Variants in SGK1 observed in about 807,000 individuals in gnomAD.
SGK1 encodes serine/threonine-protein kinase Sgk1.
Under a neutral mutation model 64.2 loss-of-function variants are expected in SGK1, and 26 were observed. The observed-to-expected ratio is 0.40, with a 90% confidence interval of 0.30 to 0.56. The LOEUF (loss-of-function observed/expected upper bound fraction) is 0.56, where lower values mean the gene tolerates loss of function less well. Ranked by LOEUF, SGK1 falls within the 20% of genes least tolerant of loss-of-function variation. The pLI is 0.38. For missense variants in SGK1, 519 were observed against 645.6 expected (o/e 0.80, Z 2.12); for synonymous variants, 265 against 239.7 (o/e 1.11, Z -0.98).
chr6:134,298,235 C>A, intron 1 of SGK1: 1 of 1,575,044 alleles, frequency 6.3e-7, no homozygotes, highest in Non-Finnish European at 8.7e-7. Context: ...TTCTCCTGGC[C>A]CCGAGTCTCC....
In SGK1 at chr6:134,238,023, G is replaced by A. The variant is rs140641596; in HGVS notation, c.285+23910C>T. 1.2e-4 allele frequency among the ~76,000 whole-genome samples: 18 copies of A among 152,266 alleles called. No homozygotes were observed. In the East Asian group the frequency reaches 3.3e-3, roughly 28 times the overall value. On this transcript the variant is annotated intron_variant, in intron 2 of 13. Transcript: ENST00000367858. ...ATATTATGATTCCCTCAGTTTGTAT[G>A]ACTTAATAATTCTTTTTTTAGAGTA...
intron 1 of SGK1, among the ~76,000 whole-genome samples, chr6:134,271,075 G>GTCTTTCCTCGATAT (rs1554226349): frequency 6.9e-6 from 1 of 145,226 alleles, no homozygotes; most frequent in Non-Finnish European, 1.5e-5. Context: ...CCAGTGCTTT[G>GTCTTTCCTCGATAT]GGAGGCCGAG....
At chr6:134,282,887 T>G (rs1183215471) in intron 1 of SGK1, among the ~76,000 whole-genome samples, 1 of 151,798 alleles carries the variant, frequency 6.6e-6, no homozygotes, top group Non-Finnish European at 1.5e-5. Context: ...CTAATGATTC[T>G]ATTTCTCTGG....
intron 13 of SGK1, 79 bp from the exon 14 acceptor site, chr6:134,170,514 A>G: frequency 7.3e-7 from 1 of 1,372,546 alleles, no homozygotes; most frequent in Non-Finnish European, 1.0e-6. Context: ...CAGGCTTTAA[A>G]TACCAAGTTT....
At chr6:134,244,147 G>T (rs1158102469) in intron 2 of SGK1, among the ~76,000 whole-genome samples, 2 of 150,920 alleles carry the variant, frequency 1.3e-5, no homozygotes, top group Non-Finnish European at 2.9e-5. Context: ...GACAGGCCCT[G>T]GTGTGTGATG....
intron 1 of SGK1, among the ~76,000 whole-genome samples, chr6:134,305,904 T>C (rs1332584918): frequency 1.3e-5 from 2 of 152,148 alleles, no homozygotes; most frequent in Admixed American, 1.3e-4. Flanking sequence ...CTCTTTCTCC[T>C]CCATAGACCT....
At chr6:134,178,914 C>T (rs1470401567) in intron 3 of SGK1, among the ~76,000 whole-genome samples, 3 of 152,140 alleles carry the variant, frequency 2.0e-5, no homozygotes, top group African/African-American at 7.2e-5. Context: ...GAAAAGTTTG[C>T]ACTGAAACTA....
chr6:134,290,205 T>G (rs1469230151), intron 1 of SGK1, among the ~76,000 whole-genome samples: 1 of 147,578 alleles, frequency 6.8e-6, no homozygotes, highest in Non-Finnish European at 1.5e-5. Context: ...ACATCTGTAG[T>G]CCTAGCTACT....
chr6:134,300,647 TTTGGAGA>T (rs1777438726), intron 1 of SGK1, among the ~76,000 whole-genome samples: 1 of 148,700 alleles, frequency 6.7e-6, no homozygotes, highest in Non-Finnish European at 1.5e-5. Context: ...TTTTTTTTTT[TTTGGAGA>T]TGGAGTCTCG....
chr6:134,203,268 C>A (rs1775714020), intron 3 of SGK1, among the ~76,000 whole-genome samples: 1 of 152,010 alleles, frequency 6.6e-6, no homozygotes, highest in African/African-American at 2.4e-5. Context: ...AAAATAAAGT[C>A]ATTTATTGTA....
chr6:134,220,000 A>T (rs1776058690), intron 2 of SGK1, among the ~76,000 whole-genome samples: 3 of 129,932 alleles, frequency 2.3e-5, no homozygotes, highest in Admixed American at 1.6e-4. Flanking sequence ...CGGAGCTTGC[A>T]GTGAGCCGAG....
chr6:134,260,377 C>CCCCCA (rs1776748212), intron 2 of SGK1: 1 of 139,150 alleles, frequency 7.2e-6, no homozygotes, highest in Non-Finnish European at 1.6e-5. Flanking sequence ...GACCCCCACC[C>CCCCCA]CCCCCAAAAA....
chr6:134,215,710 G>A (rs374512253), intron 2 of SGK1, among the ~76,000 whole-genome samples: 2 of 151,718 alleles, frequency 1.3e-5, no homozygotes, highest in East Asian at 3.9e-4. Context: ...GCAAAACCCC[G>A]TCTCTACTAA....
chr6:134,289,264 T>A (rs1430663841), intron 1 of SGK1, among the ~76,000 whole-genome samples: 3 of 152,240 alleles, frequency 2.0e-5, no homozygotes, highest in Non-Finnish European at 4.4e-5. Flanking sequence ...GGTAGTGTAC[T>A]AAAATTGCAA....
At chr6:134,307,406 G>A (rs546069880) in intron 1 of SGK1, among the ~76,000 whole-genome samples, 4 of 152,250 alleles carry the variant, frequency 2.6e-5, no homozygotes, top group South Asian at 2.1e-4. Flanking sequence ...ATTGACGTTC[G>A]TTGTAGAAAT....
At chr6:134,232,283 G>T (rs1249644952) in intron 2 of SGK1, among the ~76,000 whole-genome samples, 1 of 151,494 alleles carries the variant, frequency 6.6e-6, no homozygotes, top group Non-Finnish European at 1.5e-5. Flanking sequence ...TATTCGGGAG[G>T]TTGAGGCAGG....
intron 3 of SGK1, among the ~76,000 whole-genome samples, chr6:134,191,002 C>T (rs889221814): frequency 2.0e-5 from 3 of 152,128 alleles, no homozygotes; most frequent in African/African-American, 7.2e-5. Flanking sequence ...TCGCAGACTG[C>T]TTTCTGATTA....
chr6:134,230,715 A>G (rs1776264439), intron 2 of SGK1, among the ~76,000 whole-genome samples: 1 of 152,146 alleles, frequency 6.6e-6, no homozygotes. Context: ...ATCCATCTCT[A>G]CAAATAAAAT....
intron 2 of SGK1, among the ~76,000 whole-genome samples, chr6:134,231,368 C>T (rs944969131): frequency 6.6e-6 from 1 of 152,090 alleles, no homozygotes; most frequent in Non-Finnish European, 1.5e-5. Context: ...AGCAATAATG[C>T]TATTTGGTTA....
Sources: gnomAD v4.1 joint callset for allele counts (sites outside exome capture counted in the v4.1 genomes callset) on GRCh38, gnomAD v4.1.1 for gene constraint, MANE v1.5 for transcripts, NCBI Gene and HGNC (gene_info 2026-07-23, HGNC 2026-07-21) for gene names.